The following NDST4 variants were observed in gnomAD, a reference collection of about 807,000 sequenced individuals.
The protein encoded by NDST4 is N-deacetylase and N-sulfotransferase 4, also known as N-heparan sulfate sulfotransferase 4.
In NDST4, 63 loss-of-function variants were observed where a neutral mutation model predicts 100.8. The observed-to-expected ratio is 0.62, with a 90% CI of 0.51 to 0.77. The LOEUF (loss-of-function observed/expected upper bound fraction) is 0.77. Among genes scored for constraint, NDST4 ranks in the 30% least tolerant of loss-of-function variants. The pLI is 0.00. For missense variants in NDST4, 943 were observed against 1,018.4 expected (o/e 0.93, Z 1.01); for synonymous variants, 377 against 361.8 (o/e 1.04, Z -0.48).
chr4:114,940,657 T>C (rs1418172721), intron 4 of NDST4, among the ~76,000 whole-genome samples: 1 of 152,078 alleles, frequency 6.6e-6, no homozygotes, highest in African/African-American at 2.4e-5. Context: ...CGGTGGAAGG[T>C]CAGGTGACAG....
At chr4:115,029,912 G>A (rs1728078521) in intron 2 of NDST4, among the ~76,000 whole-genome samples, 1 of 152,132 alleles carries the variant, frequency 6.6e-6, no homozygotes, top group Admixed American at 6.6e-5. Flanking sequence ...CAGGGAAAAA[G>A]TTTGTAGCTG....
In NDST4 at chr4:114,977,180, T is replaced by C. The variant is rs769286932; in HGVS notation, c.1066+7A>G. 18 of 1,575,176 alleles carry C rather than the reference T, an allele frequency of 1.1e-5. No individual in the cohort carries two copies. The African/African-American group carries it at 1.9e-4, about 17-fold the overall frequency. On this transcript the variant is annotated splice_region_variant and intron_variant, in intron 3 of 13. Transcript: ENST00000264363. ...TAGCTGCCTGAGAACACAAAGCTCC[T>C]TCTTACCTGTGTGGTAAAACTTCCC...
At chr4:115,003,623 T>C (rs570691132) in intron 2 of NDST4, among the ~76,000 whole-genome samples, 2 of 152,234 alleles carry the variant, frequency 1.3e-5, no homozygotes, top group African/African-American at 4.8e-5. Context: ...ATCCCAGTAC[T>C]TTTGGAGGCA....
intron 4 of NDST4, among the ~76,000 whole-genome samples, chr4:114,949,547 T>C (rs1725943287): frequency 6.6e-6 from 1 of 152,066 alleles, no homozygotes; most frequent in Non-Finnish European, 1.5e-5. Context: ...TCAGATTCTC[T>C]TGGCATTTGC....
intron 2 of NDST4, among the ~76,000 whole-genome samples, chr4:114,985,329 C>G (rs1280535897): frequency 2.6e-5 from 4 of 152,154 alleles, no homozygotes; most frequent in African/African-American, 4.8e-5. Context: ...AAAGCTCACT[C>G]TCTTTGGGCA....
chr4:114,874,557 A>G (rs1560789724), intron 6 of NDST4, among the ~76,000 whole-genome samples: 2 of 152,224 alleles, frequency 1.3e-5, no homozygotes, highest in African/African-American at 2.4e-5. Flanking sequence ...TATATGGTCA[A>G]TTGGTTGCAC....
At chr4:114,892,732 T>TG (rs1265140756) in intron 6 of NDST4, among the ~76,000 whole-genome samples, 2 of 152,066 alleles carry the variant, frequency 1.3e-5, no homozygotes, top group African/African-American at 4.8e-5. Flanking sequence ...AATTTTCTTT[T>TG]TTTTTTGTGG....
At chr4:114,916,642 CT>C (rs796436862) in intron 6 of NDST4, among the ~76,000 whole-genome samples, 2,957 of 119,818 alleles carry the variant, frequency 0.025, 105 homozygotes, top group African/African-American at 0.078. Context: ...TGTTTTTATG[CT>C]TTTTTTTTTT....
At chr4:114,960,548 GA>G (rs1055430725) in intron 4 of NDST4, among the ~76,000 whole-genome samples, 31 of 145,986 alleles carry the variant, frequency 2.1e-4, no homozygotes, top group Admixed American at 5.5e-4. Flanking sequence ...AGAGGTTGCA[GA>G]AAAAAAAAAT....
chr4:114,881,635 G>A (rs1442325937), intron 6 of NDST4, among the ~76,000 whole-genome samples: 1 of 152,048 alleles, frequency 6.6e-6, no homozygotes, highest in Non-Finnish European at 1.5e-5. Flanking sequence ...ACACCAATGA[G>A]AAGCCAGTTA....
In NDST4 at chr4:114,848,345, C is replaced by CA. The variant is rs537754899; in HGVS notation, c.1817-8dup. The CA allele has an allele frequency of 6.2e-5, 97 of 1,558,488 alleles. No homozygotes were observed. The African/African-American group carries it at 1.1e-3, about 18-fold the overall frequency. On this transcript the variant is annotated splice_region_variant and splice_polypyrimidine_tract_variant and intron_variant, in intron 8 of 13. Transcript: ENST00000264363. ...AAATAAAGTGCAGTTGTTCCTGTTA[C>CA]AAAAAAAGAAAGTAAAAGGTTATAT... is the stretch of plus-strand genomic sequence containing the variant.
chr4:114,915,085 G>A (rs985681801), intron 6 of NDST4, among the ~76,000 whole-genome samples: 2 of 152,152 alleles, frequency 1.3e-5, no homozygotes, highest in Non-Finnish European at 2.9e-5. Flanking sequence ...GAGGTGCTAT[G>A]TATGAACAAC....
At chr4:115,092,797 A>T (rs1047428513) in intron 1 of NDST4, among the ~76,000 whole-genome samples, 3 of 152,196 alleles carry the variant, frequency 2.0e-5, no homozygotes, top group African/African-American at 7.2e-5. Context: ...AAAAAAATTT[A>T]GTAGAAACCT....
Position 114,986,832 on chromosome 4 carries a change from A to ATATATATATATATATTTTTTTT in NDST4, c.979-9559_979-9558insAAAAAAAATATATATATATATA. 8.7e-4 allele frequency among the ~76,000 whole-genome samples: 82 copies of ATATATATATATATATTTTTTTT among 94,622 alleles called. 1 individual carries two copies. The highest frequency in any genetic ancestry group is 1.4e-3 in the Non-Finnish European group (66 of 46,206). The allele number at this position is 94,622 out of a possible 152,430, so 62.1% of individuals were successfully genotyped here. On this transcript the variant is annotated intron_variant, in intron 2 of 13. Transcript: ENST00000264363. ...TATATATATATATATATATATATAT[A>ATATATATATATATATTTTTTTT]TTTTAATATACTATTCCTATAAGCT...
intron 6 of NDST4, among the ~76,000 whole-genome samples, chr4:114,892,489 C>G (rs1724619071): frequency 4.6e-5 from 7 of 151,938 alleles, no homozygotes; most frequent in Admixed American, 4.6e-4. Flanking sequence ...CAAATTTTAC[C>G]TAAGTAGCCA....
intron 7 of NDST4, among the ~76,000 whole-genome samples, chr4:114,854,176 A>G (rs1723739796): frequency 1.3e-5 from 2 of 152,070 alleles, no homozygotes; most frequent in Non-Finnish European, 2.9e-5. Context: ...TATCTCCATG[A>G]GTTCAATTGT....
At chr4:115,033,151 ATATATATTTT>A (rs1392932382) in intron 2 of NDST4, among the ~76,000 whole-genome samples, 14 of 97,076 alleles carry the variant, frequency 1.4e-4, no homozygotes, top group African/African-American at 6.9e-4. Flanking sequence ...ATATATATAT[ATATATATTTT>A]TTTTTTTTTT....
intron 6 of NDST4, among the ~76,000 whole-genome samples, chr4:114,912,439 T>G (rs1268865267): frequency 6.6e-6 from 1 of 152,120 alleles, no homozygotes; most frequent in Non-Finnish European, 1.5e-5. Context: ...TTACACATAT[T>G]TGATAGACAC....
chr4:115,109,048 GAAGA>G (rs1180561763), intron 1 of NDST4, among the ~76,000 whole-genome samples: 2 of 150,622 alleles, frequency 1.3e-5, no homozygotes, highest in Admixed American at 6.6e-5. Flanking sequence ...AGGAAGGAAG[GAAGA>G]AAGGAAGGGA....
Sources: allele counts gnomAD v4.1 joint callset (sites outside exome capture counted in the v4.1 genomes callset), GRCh38; gene constraint gnomAD v4.1.1; transcripts MANE v1.5; gene names NCBI Gene and HGNC (gene_info 2026-07-23, HGNC 2026-07-21).